The following NFASC variants were observed in gnomAD, a reference collection of about 807,000 sequenced individuals.
NFASC encodes neurofascin homolog.
In NFASC, 43 loss-of-function variants were observed where a neutral mutation model predicts 147.5. That is an observed-to-expected ratio of 0.29 (90% CI 0.23 to 0.38). The LOEUF (loss-of-function observed/expected upper bound fraction) is 0.38. Ranked by LOEUF, NFASC falls within the 10% of genes least tolerant of loss-of-function variation. The pLI, the probability that NFASC is intolerant of heterozygous loss-of-function variation, is 1.00. For missense variants in NFASC, 1,320 were observed against 1,689.0 expected (o/e 0.78, Z 3.83); for synonymous variants, 622 against 665.5 (o/e 0.93, Z 1.01).
rs749105428 is a variant in NFASC at position 204,997,253 on chromosome 1, G to A, written c.2866G>A (p.Glu956Lys). ...TDATAIAATT[E>K]ATTVPIIPTV... ...TGCTACTGCCATTGCTGCCACCACC[G>A]AAGCCACAACAGTCCCCATCATCCC... The change falls in exon 25 of 30, where the codon GAA becomes AAA. Residue 956 changes from glutamate to lysine, a missense_variant. By Grantham distance (56) the Glu-to-Lys change is moderately conservative (BLOSUM62 1). This residue lies in a region of NFASC where 172 missense variants were observed against 165.8 expected (regional missense o/e 1.04). Transcript: ENST00000339876. 2.2e-5 allele frequency: 35 copies of A among 1,612,930 alleles called. No homozygotes were observed. Among genetic ancestry groups the A allele is most frequent in the East Asian group, 1.3e-4 (6 of 44,850 alleles).
At chr1:204,899,878 A>G (rs895981372) in intron 1 of NFASC, among the ~76,000 whole-genome samples, 5 of 152,222 alleles carry the variant, frequency 3.3e-5, no homozygotes, top group African/African-American at 1.2e-4. Flanking sequence ...ATGACCTTGA[A>G]TAAGGGGATC....
intron 11 of NFASC, 121 bp from the exon 12 acceptor site, chr1:204,973,155 C>A: frequency 1.0e-6 from 1 of 997,952 alleles, no homozygotes; most frequent in Non-Finnish European, 1.5e-6. Context: ...TGTCATCTGG[C>A]CCCCCATCTG....
In NFASC at chr1:204,854,795, C is replaced by G. The variant is rs16854553; in HGVS notation, c.-200+26013C>G. On this transcript the variant is annotated intron_variant, in intron 1 of 29. Coordinates refer to ENST00000339876, the MANE Select transcript of NFASC (RefSeq NM_001005388.3). Reference sequence around the variant, plus strand: ...TTCCCTGTTCAGTACCCTGGCAAGTCCTTGGTAAGAAGTAGTTTTCCTCTG... The same window carrying G: ...TTCCCTGTTCAGTACCCTGGCAAGTGCTTGGTAAGAAGTAGTTTTCCTCTG... Among the ~76,000 whole-genome samples, 1,187 of 152,346 alleles carry G rather than the reference C, an allele frequency of 7.8e-3. 9 individuals are homozygous for G. Among genetic ancestry groups the G allele is most frequent in the African/African-American group, 0.026 (1,099 of 41,578 alleles).
Position 204,968,284 on chromosome 1 carries a change from T to C in NFASC, c.742T>C (p.Tyr248His). The C allele has an allele frequency of 5.0e-6, 8 of 1,614,194 alleles. No individual in the cohort carries two copies. Among genetic ancestry groups the C allele is most frequent in the Non-Finnish European group, 6.8e-6 (8 of 1,180,010 alleles). Residue 248 changes from tyrosine to histidine, a missense_variant, in exon 9 of 30, where the codon TAT becomes CAT. Physicochemically the swap from Tyr to His is moderately conservative, Grantham distance 83. Transcript: ENST00000339876. The surrounding 1 kb of genome is among the most constrained non-coding windows in gnomAD (Gnocchi z 5.4). ...GVAERTPSFM[Y>H]PQGTASSQMV... ...TGCAGAAAGAACACCAAGCTTCATG[T>C]ATCCCCAGGGCACCGCGAGCAGCCA...
intron 2 of NFASC, among the ~76,000 whole-genome samples, chr1:204,937,192 G>T (rs1194778180): frequency 6.6e-6 from 1 of 151,368 alleles, no homozygotes; most frequent in East Asian, 1.9e-4. Flanking sequence ...TAGGTTCAAG[G>T]TACAGAGAGT....
At chr1:204,951,898 C>T in intron 4 of NFASC, 113 bp from the exon 5 acceptor site, 1 of 754,882 alleles carries the variant, frequency 1.3e-6, no homozygotes, top group Admixed American at 2.2e-5. Flanking sequence ...ACACCCCACC[C>T]ACTTGCCTGC....
Position 204,988,575 on chromosome 1 carries a change from A to G in NFASC, c.2594-58A>G, listed in dbSNP as rs2150597299. ...GTGTTCTTCCTCCAGCTTGCAGATTATATAACCCATCAATAAATGTTGCTA... is the reference window on the plus strand; with the variant it reads ...GTGTTCTTCCTCCAGCTTGCAGATTGTATAACCCATCAATAAATGTTGCTA... On this transcript the variant is annotated intron_variant, in intron 22 of 29. Transcript: ENST00000339876. 7 of 1,487,194 alleles carry G rather than the reference A, an allele frequency of 4.7e-6. No homozygotes were observed. The South Asian group carries it at 8.0e-5, about 17-fold the overall frequency. 92.1% of individuals were successfully genotyped at this position (1,487,194 alleles called of 1,614,324 possible). A position where few individuals can be genotyped will look rare whatever the true frequency, so the allele number is the denominator to read the frequency against.
intron 3 of NFASC, among the ~76,000 whole-genome samples, chr1:204,945,744 A>G (rs2093681880): frequency 6.6e-6 from 1 of 152,206 alleles, no homozygotes; most frequent in Non-Finnish European, 1.5e-5. Flanking sequence ...TTCCCATGGT[A>G]ACTGTCTGCG....
At chr1:204,913,667 T>C (rs1055600855) in intron 1 of NFASC, among the ~76,000 whole-genome samples, 4 of 152,148 alleles carry the variant, frequency 2.6e-5, no homozygotes, top group Non-Finnish European at 4.4e-5. Flanking sequence ...TGGATTAAGA[T>C]TGAAGCATGA....
chr1:204,912,377 T>G (rs2087792656), intron 1 of NFASC, among the ~76,000 whole-genome samples: 1 of 152,126 alleles, frequency 6.6e-6, no homozygotes, highest in Admixed American at 6.6e-5. Context: ...ATTGAAACTT[T>G]CTCTTTGAAT....
intron 1 of NFASC, among the ~76,000 whole-genome samples, chr1:204,859,433 A>G (rs1438034090): frequency 6.6e-6 from 1 of 152,232 alleles, no homozygotes; most frequent in African/African-American, 2.4e-5. Flanking sequence ...GGAAGATGCC[A>G]GGAGCATATG....
chr1:204,996,740 C>G (rs72753462), intron 24 of NFASC, among the ~76,000 whole-genome samples: 4 of 152,214 alleles, frequency 2.6e-5, no homozygotes, highest in African/African-American at 9.6e-5. Flanking sequence ...AGGGCCCCAC[C>G]GCCTGCCCAC....
At chr1:204,908,050 T>C (rs1572845474) in intron 1 of NFASC, among the ~76,000 whole-genome samples, 3 of 152,292 alleles carry the variant, frequency 2.0e-5, no homozygotes, top group South Asian at 4.1e-4. Flanking sequence ...GGTGCAACCA[T>C]GGCTCACTGC....
rs765254296 is a variant in NFASC, at chr1:204,979,332, G to A, written c.1979-30G>A. 85 of 1,586,338 alleles carry A rather than the reference G, an allele frequency of 5.4e-5. No individual in the cohort carries two copies. The highest frequency in any genetic ancestry group is 8.1e-5 in the African/African-American group (6 of 74,330). On this transcript the variant is annotated intron_variant, in intron 18 of 29. Coordinates refer to ENST00000339876, the MANE Select transcript of NFASC (RefSeq NM_001005388.3). This position sits in a 1 kb window ranked among gnomAD's most constrained non-coding sequence, Gnocchi z 6.0. ...GAAGACCACTGCTAACTGAGCTCCC[G>A]AAACAGCTCTGTTTTCCTTGCCCAC... is the stretch of plus-strand genomic sequence containing the variant.
At chr1:205,013,445 G>T (rs1574528120) in intron 29 of NFASC, among the ~76,000 whole-genome samples, 1 of 152,206 alleles carries the variant, frequency 6.6e-6, no homozygotes, top group South Asian at 2.1e-4. Flanking sequence ...CTATGCCCCA[G>T]ATGAGAGGAC....
intron 1 of NFASC, among the ~76,000 whole-genome samples, chr1:204,917,853 T>C (rs1466928042): frequency 6.6e-6 from 1 of 152,210 alleles, no homozygotes; most frequent in Non-Finnish European, 1.5e-5. Context: ...AATTCCTTCT[T>C]CGGGAATGGT....
Position 204,968,770 on chromosome 1 carries a change from C to A in NFASC, c.819-28C>A, listed in dbSNP as rs1301857477. The A allele has an allele frequency of 6.2e-7, 1 of 1,600,058 alleles. No homozygotes were observed. ...GGAGAAAGGCCACGTTTAGTGATAA[C>A]TTGTTTCCTGCTTGGCGCCTCTCCT... On this transcript the variant is annotated intron_variant, in intron 9 of 29. Transcript: ENST00000339876. The surrounding 1 kb of genome is among the most constrained non-coding windows in gnomAD (Gnocchi z 5.4).
intron 1 of NFASC, among the ~76,000 whole-genome samples, chr1:204,846,784 C>T (rs1384386473): frequency 1.3e-5 from 2 of 152,156 alleles, no homozygotes; most frequent in African/African-American, 4.8e-5. Context: ...TCACCACTGG[C>T]TGTGTGGCTG....
In NFASC at chr1:204,948,678, G is replaced by A. The variant is rs753276342; in HGVS notation, c.92-1879G>A. On this transcript the variant is annotated intron_variant, in intron 3 of 29. Coordinates refer to ENST00000339876, the MANE Select transcript of NFASC (RefSeq NM_001005388.3). ...GCAAACTTCCTGTATGATCTTGGCC[G>A]AGAGACTTCTTCCTTGGATCTGGAG... is the stretch of plus-strand genomic sequence containing the variant. The A allele has an allele frequency of 1.0e-4, 53 of 518,956 alleles. 1 individual carries two copies. The highest frequency in any genetic ancestry group is 2.7e-4 in the Admixed American group (14 of 51,590). The allele number at this position is 518,956 out of a possible 1,614,324, so 32.1% of individuals were successfully genotyped here.
Sources: allele counts gnomAD v4.1 joint callset (sites outside exome capture counted in the v4.1 genomes callset), GRCh38; gene constraint gnomAD v4.1.1; regional missense constraint gnomAD v4.1.1; non-coding constraint Gnocchi (gnomAD v3.1); transcripts MANE v1.5; gene names NCBI Gene and HGNC (gene_info 2026-07-23, HGNC 2026-07-21).